Variants in BTBD9 observed in about 807,000 individuals in gnomAD.
The protein encoded by BTBD9 is BTB domain containing 9.
A neutral mutation model predicts 64.3 loss-of-function variants in BTBD9; 49 were observed. The observed-to-expected ratio is 0.76, with a 90% CI of 0.61 to 0.97. The LOEUF (loss-of-function observed/expected upper bound fraction) is 0.97, where lower values mean the gene tolerates loss of function less well. Among genes scored for constraint, BTBD9 ranks in the 50% least tolerant of loss-of-function variants. BTBD9 has a pLI of 0.00. For synonymous variants in BTBD9, 260 were observed against 274.7 expected, an observed-to-expected ratio of 0.95 and a Z score of 0.53; for missense variants, 598 against 762.1, an observed-to-expected ratio of 0.78 and a Z score of 2.53.
At chr6:38,280,330 G>A (rs962615949) in intron 8 of BTBD9, among the ~76,000 whole-genome samples, 1 of 152,204 alleles carries the variant, frequency 6.6e-6, no homozygotes, top group African/African-American at 2.4e-5. Flanking sequence ...GATAAAAGAA[G>A]ACTTTAGAGT....
At chr6:38,498,457 T>TAAAAAAA (rs11393821) in intron 6 of BTBD9, among the ~76,000 whole-genome samples, 4 of 132,654 alleles carry the variant, frequency 3.0e-5, no homozygotes, top group Non-Finnish European at 3.1e-5. Context: ...TATCTAGTAC[T>TAAAAAAA]AAAAAAAAAA....
rs149379727 is a variant in BTBD9 at position 38,178,382 on chromosome 6, G to A, written c.1642-3200C>T. On this transcript the variant is annotated intron_variant, in intron 10 of 10. Transcript: ENST00000481247. ...GCAGCAGACACGGCCAGAGGATGACGCTGCACACGTGAGCAGGGTCAGGAG... is the reference window on the plus strand; with the variant it reads ...GCAGCAGACACGGCCAGAGGATGACACTGCACACGTGAGCAGGGTCAGGAG... Among the ~76,000 whole-genome samples, 718 of 152,232 alleles carry A rather than the reference G, an allele frequency of 4.7e-3. 8 individuals carry two copies. The highest frequency in any genetic ancestry group is 7.3e-3 in the Non-Finnish European group (497 of 68,016).
intron 6 of BTBD9, among the ~76,000 whole-genome samples, chr6:38,363,127 T>C (rs181719663): frequency 1.2e-3 from 182 of 152,330 alleles, no homozygotes; most frequent in Admixed American, 4.1e-3. Flanking sequence ...CTTGCTCTGT[T>C]GCCCAGGCTG....
intron 6 of BTBD9, among the ~76,000 whole-genome samples, chr6:38,516,219 A>C (rs1204142197): frequency 6.6e-6 from 1 of 152,150 alleles, no homozygotes; most frequent in Non-Finnish European, 1.5e-5. Flanking sequence ...AGAAAATAGG[A>C]GGGAGAGTAC....
intron 6 of BTBD9, among the ~76,000 whole-genome samples, chr6:38,406,627 A>G (rs1402743202): frequency 6.6e-6 from 1 of 152,242 alleles, no homozygotes; most frequent in Non-Finnish European, 1.5e-5. Flanking sequence ...TGGATATGCA[A>G]TCTTAATAAG....
At chr6:38,318,141 C>A (rs914103062) in intron 7 of BTBD9, among the ~76,000 whole-genome samples, 1 of 152,062 alleles carries the variant, frequency 6.6e-6, no homozygotes, top group South Asian at 2.1e-4. Context: ...GTGATCCACC[C>A]GCCTCAGCCT....
intron 6 of BTBD9, among the ~76,000 whole-genome samples, chr6:38,491,802 AG>A: frequency 6.6e-6 from 1 of 152,360 alleles, no homozygotes; most frequent in East Asian, 1.9e-4. Flanking sequence ...GTGTATTAAG[AG>A]TAATTATGGA....
chr6:38,393,104 A>G (rs2206551), intron 6 of BTBD9, among the ~76,000 whole-genome samples: 151,995 of 152,300 alleles, frequency 1, 75,845 homozygotes, highest in East Asian at 1. Flanking sequence ...TTGAACTCCT[A>G]ACCTCAGGTG....
intron 1 of BTBD9, among the ~76,000 whole-genome samples, chr6:38,630,966 G>A (rs1778341582): frequency 6.6e-6 from 1 of 152,206 alleles, no homozygotes; most frequent in Non-Finnish European, 1.5e-5. Flanking sequence ...GACAGTGGTT[G>A]AGGAAGCATT....
Position 38,628,037 on chromosome 6 carries a change from C to A in BTBD9, c.-28+11763G>T, listed in dbSNP as rs368849489. On this transcript the variant is annotated intron_variant, in intron 1 of 10. Coordinates refer to ENST00000481247, the MANE Select transcript of BTBD9 (RefSeq NM_001099272.2). Reference sequence around the variant, plus strand: ...AAGTAAGGTGTATTTGTGAGGCATGCGCAAAAAGGGTCATAACTTTTTTAT... The same window carrying A: ...AAGTAAGGTGTATTTGTGAGGCATGAGCAAAAAGGGTCATAACTTTTTTAT... Among the ~76,000 whole-genome samples the A allele has an allele frequency of 2.0e-5, 3 of 152,044 alleles. No individual in the cohort carries two copies. In the East Asian group the frequency reaches 5.8e-4, roughly 29 times the overall value.
chr6:38,588,023 A>T, intron 4 of BTBD9: 1 of 737,550 alleles, frequency 1.4e-6, no homozygotes, highest in African/African-American at 1.7e-5. Flanking sequence ...ACCACCATAT[A>T]CAGAAGCTAA....
intron 4 of BTBD9, among the ~76,000 whole-genome samples, chr6:38,580,953 G>A (rs1776256624): frequency 6.6e-6 from 1 of 152,234 alleles, no homozygotes; most frequent in Non-Finnish European, 1.5e-5. Flanking sequence ...AGCACTTTGG[G>A]AGGCCGAGGT....
intron 6 of BTBD9, among the ~76,000 whole-genome samples, chr6:38,347,997 A>G (rs1161090996): frequency 6.6e-6 from 1 of 152,182 alleles, no homozygotes; most frequent in African/African-American, 2.4e-5. Flanking sequence ...ATTCTGTCTC[A>G]AAACAAACCA....
rs568561340 is a variant in BTBD9 at position 38,484,433 on chromosome 6, C to G, written c.1154+93167G>C. On this transcript the variant is annotated intron_variant, in intron 6 of 10. Coordinates refer to ENST00000481247, the MANE Select transcript of BTBD9 (RefSeq NM_001099272.2). ...TACTATTTGAGATTATAATCAGTTC[C>G]TGAAGAAGAATACTGGATATCTTTT... 2.6e-5 allele frequency among the ~76,000 whole-genome samples: 4 copies of G among 152,294 alleles called. No homozygotes were observed. In the East Asian group the frequency reaches 5.8e-4, roughly 22 times the overall value.
At chr6:38,591,990 G>C (rs1443077864) in intron 4 of BTBD9, among the ~76,000 whole-genome samples, 1 of 152,026 alleles carries the variant, frequency 6.6e-6, no homozygotes, top group Non-Finnish European at 1.5e-5. Flanking sequence ...TTTGAGACCA[G>C]CCTGGCCAAC....
intron 9 of BTBD9, among the ~76,000 whole-genome samples, chr6:38,194,667 T>G (rs1162043826): frequency 2.0e-5 from 3 of 151,986 alleles, no homozygotes; most frequent in Non-Finnish European, 2.9e-5. Context: ...CCCTCCAAGA[T>G]GTAGAGGAGG....
intron 6 of BTBD9, among the ~76,000 whole-genome samples, chr6:38,449,981 C>T (rs1250683645): frequency 6.6e-6 from 1 of 152,094 alleles, no homozygotes; most frequent in Non-Finnish European, 1.5e-5. Flanking sequence ...ATGTTCATTC[C>T]AGCACTATTC....
rs576210723 is a variant in BTBD9, at chr6:38,471,709, T to C, written c.1154+105891A>G. ...TGTGACTGAAGTTTGCTCAAAATGA[T>C]CCACAGAAACTCTTCCAAAGCCCTA... On this transcript the variant is annotated intron_variant, in intron 6 of 10. Transcript: ENST00000481247. 2.6e-5 allele frequency among the ~76,000 whole-genome samples: 4 copies of C among 152,096 alleles called. No homozygotes were observed. In the East Asian group the frequency reaches 5.8e-4, roughly 22 times the overall value.
intron 6 of BTBD9, among the ~76,000 whole-genome samples, chr6:38,489,953 T>C (rs532918571): frequency 2.6e-5 from 4 of 152,368 alleles, no homozygotes; most frequent in Admixed American, 6.5e-5. Context: ...TAATTTGTTG[T>C]TGTTTTAATC....
Sources: gnomAD v4.1 joint callset for allele counts (sites outside exome capture counted in the v4.1 genomes callset) on GRCh38, gnomAD v4.1.1 for gene constraint, MANE v1.5 for transcripts, NCBI Gene and HGNC (gene_info 2026-07-23, HGNC 2026-07-21) for gene names.